DNAI1: variants seen among roughly 807,000 people sequenced by gnomAD.
The protein encoded by DNAI1 is dynein axonemal intermediate chain 1.
DNAI1 carries 67 observed loss-of-function variants against 92.0 expected under a neutral mutation model. That is an observed-to-expected ratio of 0.73 (90% confidence interval 0.60 to 0.89). The LOEUF (loss-of-function observed/expected upper bound fraction) is 0.89. DNAI1 is among the 40% of genes least tolerant of loss of function. The pLI is 0.00. For missense variants in DNAI1, 839 were observed against 866.6 expected, an observed-to-expected ratio of 0.97 and a Z score of 0.40; for synonymous variants, 323 against 319.6, an observed-to-expected ratio of 1.01 and a Z score of -0.11.
chr9:34,482,762 C>G (rs909414726), intron 1 of DNAI1, among the ~76,000 whole-genome samples: 1 of 152,266 alleles, frequency 6.6e-6, no homozygotes, highest in East Asian at 1.9e-4. Context: ...GCCTTGCGCT[C>G]GCATTCCTCA....
chr9:34,475,724 G>A (rs867202327), intron 1 of DNAI1, among the ~76,000 whole-genome samples: 9 of 152,266 alleles, frequency 5.9e-5, no homozygotes, highest in Admixed American at 6.5e-5. Context: ...CTTGCCTGGG[G>A]TCATAAAACT....
intron 8 of DNAI1, among the ~76,000 whole-genome samples, chr9:34,492,493 G>GATAGATAGATAGATATATAT (rs1554688186): frequency 2.9e-5 from 2 of 68,268 alleles, no homozygotes; most frequent in Non-Finnish European, 6.1e-5. Context: ...GGGATATGAA[G>GATAGATAGATAGATATATAT]ATATATATAT....
chr9:34,514,129 C>T (rs1055322980), intron 16 of DNAI1, among the ~76,000 whole-genome samples: 1 of 152,144 alleles, frequency 6.6e-6, no homozygotes, highest in African/African-American at 2.4e-5. Flanking sequence ...GGCCTGGAAT[C>T]CTCTGGGGTC....
chr9:34,512,496 G>A, intron 15 of DNAI1, 72 bp downstream of exon 15: 1 of 1,437,980 alleles, frequency 7.0e-7, no homozygotes, highest in Middle Eastern at 2.0e-4. Flanking sequence ...AGTGACAGTG[G>A]TCCTTCCCCT....
Position 34,489,358 on chromosome 9 carries a change from A to G in DNAI1, c.297A>G (p.Gln99=), listed in dbSNP as rs77344166. The G allele has an allele frequency of 3.3e-3, 5,340 of 1,614,078 alleles. 141 individuals are homozygous for G. The African/African-American group carries it at 0.057, about 17-fold the overall frequency. The stretch of plus-strand genomic sequence containing the variant: ...ATAAGCCTATTGGCTTTGTGAACCA[A>G]CTGGCAGTTCACTACACCCAGGTTG... ...GTYKPIGFVN[Q]LAVHYTQVGN... The change falls in exon 5 of 20, where the codon CAA becomes CAG. Residue 99 remains glutamine (Q), a synonymous_variant. Coordinates refer to ENST00000242317, the MANE Select transcript of DNAI1 (RefSeq NM_012144.4).
At chr9:34,483,884 A>G (rs1358486108) in intron 2 of DNAI1, among the ~76,000 whole-genome samples, 1 of 152,206 alleles carries the variant, frequency 6.6e-6, no homozygotes, top group Non-Finnish European at 1.5e-5. Context: ...ACTGTACCAT[A>G]ATTTGTTCAA....
chr9:34,489,527 T>C (rs1824539383), intron 5 of DNAI1, 78 bp downstream of exon 5: 1 of 1,556,676 alleles, frequency 6.4e-7, no homozygotes, highest in Non-Finnish European at 8.8e-7. Flanking sequence ...AGTATACCTC[T>C]AAGCCAGAAC....
At chr9:34,511,262 T>A (rs1451486417) in intron 13 of DNAI1, among the ~76,000 whole-genome samples, 1 of 152,236 alleles carries the variant, frequency 6.6e-6, no homozygotes, top group African/African-American at 2.4e-5. Flanking sequence ...GCGTGTCATC[T>A]TCATAAGACA....
chr9:34,489,464 C>G lies in DNAI1; in HGVS notation c.388+15C>G. On this transcript the variant is annotated intron_variant, in intron 5 of 19. Coordinates refer to ENST00000242317, the MANE Select transcript of DNAI1 (RefSeq NM_012144.4). ...ATTAGTGGCAGGTAGGACTCTGGGCCATCCTGAAGCTACAGCCCTGAGCCT... is the reference window on the plus strand; with the variant it reads ...ATTAGTGGCAGGTAGGACTCTGGGCGATCCTGAAGCTACAGCCCTGAGCCT... 2 of 1,612,642 alleles carry G rather than the reference C, an allele frequency of 1.2e-6. No homozygotes were observed. The highest frequency in any genetic ancestry group is 1.7e-6 in the Non-Finnish European group (2 of 1,179,782).
At position 34,514,750 on chromosome 9, in the gene DNAI1, G is replaced by GCGT; in HGVS notation, c.1818+13_1818+15dup. On this transcript the variant is annotated intron_variant, in intron 18 of 19. Transcript: ENST00000242317. ...ACCACAGATGGGAAGGTGAGTGCCAGCGTCCTGACTTCACTGAGTCCCTAC... is the reference window on the plus strand; with the variant it reads ...ACCACAGATGGGAAGGTGAGTGCCAGCGTCGTCCTGACTTCACTGAGTCCCTAC... The GCGT allele has an allele frequency of 6.2e-7, 1 of 1,613,670 alleles. No homozygotes were observed. Among genetic ancestry groups the GCGT allele is most frequent in the Non-Finnish European group, 8.5e-7 (1 of 1,179,810 alleles).
At chr9:34,501,715 A>C (rs1482949122) in intron 12 of DNAI1, among the ~76,000 whole-genome samples, 6 of 149,234 alleles carry the variant, frequency 4.0e-5, no homozygotes, top group African/African-American at 1.5e-4. Context: ...CACACTGTGG[A>C]GTAGGGATGG....
rs1824554174 is a variant in DNAI1, at chr9:34,490,032, G to A, written c.409G>A (p.Val137Met). Residue 137 changes from valine to methionine, a missense_variant, in exon 6 of 20, where the codon GTG becomes ATG. Coordinates refer to ENST00000242317, the MANE Select transcript of DNAI1 (RefSeq NM_012144.4). ...LVAGSQESVKVISETGNLEED... is the reference protein window; with the variant it reads ...LVAGSQESVKMISETGNLEED... ...CCAAGGTTCTCAGGAGTCTGTCAAG[G>A]TGATTTCAGAAACAGGAAACCTCGA... The A allele has an allele frequency of 1.9e-6, 3 of 1,614,166 alleles. No individual in the cohort carries two copies. Among genetic ancestry groups the A allele is most frequent in the Non-Finnish European group, 2.5e-6 (3 of 1,180,028 alleles).
At chr9:34,497,895 C>T (rs1236788869) in intron 10 of DNAI1, among the ~76,000 whole-genome samples, 4 of 152,202 alleles carry the variant, frequency 2.6e-5, no homozygotes, top group East Asian at 3.8e-4. Context: ...CTGACCCAAA[C>T]AGGATCTTCA....
chr9:34,491,172 G>A (rs1299047609), intron 7 of DNAI1, among the ~76,000 whole-genome samples: 1 of 152,214 alleles, frequency 6.6e-6, no homozygotes, highest in Non-Finnish European at 1.5e-5. Flanking sequence ...GCCTGACAGA[G>A]GCTGACCTCT....
intron 13 of DNAI1, among the ~76,000 whole-genome samples, chr9:34,510,775 C>T (rs1825050056): frequency 6.6e-6 from 1 of 152,120 alleles, no homozygotes; most frequent in Admixed American, 6.5e-5. Context: ...CCTTTGACAC[C>T]CCCTGTCCCC....
intron 1 of DNAI1, among the ~76,000 whole-genome samples, chr9:34,466,277 C>A (rs1268481467): frequency 6.6e-6 from 1 of 152,214 alleles, no homozygotes; most frequent in East Asian, 1.9e-4. Context: ...AGGGACCCTA[C>A]CCCTAATGTT....
rs141157671 is a variant in DNAI1, at chr9:34,490,387, G to A, written c.520G>A (p.Glu174Lys). ...TTTTCAGGCAGCTGAAAAAGTGACT[G>A]AAGAAGAATTGATGACTCCTAAGCA... ...PAAGAAEKVTEEELMTPKQPK... is the reference protein window; with the variant it reads ...PAAGAAEKVTKEELMTPKQPK... The change falls in exon 7 of 20, where the codon GAA (glutamate) becomes AAA (lysine). Residue 174 changes from glutamate to lysine, a missense_variant. Physicochemically the swap from Glu to Lys is moderately conservative, Grantham distance 56. Transcript: ENST00000242317. 166 of 1,613,346 alleles carry A rather than the reference G, an allele frequency of 1.0e-4. No homozygotes were observed. The highest frequency in any genetic ancestry group is 4.0e-4 in the East Asian group (18 of 44,862).
At chr9:34,486,172 G>A (rs939375688) in intron 4 of DNAI1, among the ~76,000 whole-genome samples, 2 of 152,212 alleles carry the variant, frequency 1.3e-5, no homozygotes, top group Non-Finnish European at 2.9e-5. Flanking sequence ...TTGAGCTGCA[G>A]TGGAAGGGGT....
Position 34,506,772 on chromosome 9 carries a change from C to T in DNAI1, c.1209C>T (p.His403=), listed in dbSNP as rs1410435356. The change falls in exon 13 of 20, where the codon CAC becomes CAT. Residue 403 remains histidine (H), a synonymous_variant. Transcript: ENST00000242317. ...VDHPYLVAVG[H]YDGNVAIYNL... ...ACCCCTACCTGGTGGCAGTAGGCCA[C>T]TATGACGGCAACGTGGCCATTTACA... 6 of 1,614,056 alleles carry T rather than the reference C, an allele frequency of 3.7e-6. No homozygotes were observed. The African/African-American group carries it at 8.0e-5, about 22-fold the overall frequency.
Sources: gnomAD v4.1 joint callset for allele counts (sites outside exome capture counted in the v4.1 genomes callset) on GRCh38, gnomAD v4.1.1 for gene constraint, MANE v1.5 for transcripts, NCBI Gene and HGNC (gene_info 2026-07-23, HGNC 2026-07-21) for gene names.